LTBP1: variants seen among roughly 807,000 people sequenced by gnomAD.
LTBP1 encodes the protein latent-transforming growth factor beta-binding protein 1.
A neutral mutation model predicts 207.6 loss-of-function variants in LTBP1; 129 were observed. The ratio of observed to expected loss-of-function variants is 0.62; its 90% CI spans 0.54 to 0.72. The LOEUF is 0.72. Among genes scored for constraint, LTBP1 ranks in the 30% least tolerant of loss-of-function variants. The pLI is 0.00. For missense variants in LTBP1, 2,281 were observed against 2,217.2 expected, an observed-to-expected ratio of 1.03 and a Z score of -0.58; for synonymous variants, 963 against 833.7, an observed-to-expected ratio of 1.16 and a Z score of -2.67.
At chr2:33,272,168 G>A (rs1378962225) in intron 15 of LTBP1, among the ~76,000 whole-genome samples, 3 of 152,192 alleles carry the variant, frequency 2.0e-5, no homozygotes, top group African/African-American at 7.2e-5. Context: ...TGAAGCATGT[G>A]GTTTTGGTTT....
At chr2:33,186,663 T>C (rs551553977) in intron 5 of LTBP1, among the ~76,000 whole-genome samples, 193 bp from the exon 6 acceptor site, 4 of 152,188 alleles carry the variant, frequency 2.6e-5, no homozygotes. Flanking sequence ...TGACTTAAGA[T>C]GGAAAGAAAA....
At chr2:33,341,235 T>C (rs917110543) in intron 24 of LTBP1, among the ~76,000 whole-genome samples, 24 of 152,084 alleles carry the variant, frequency 1.6e-4, no homozygotes, top group Admixed American at 9.8e-4. Flanking sequence ...CAAGCAATTT[T>C]AACATTTTTG....
intron 26 of LTBP1, among the ~76,000 whole-genome samples, chr2:33,347,779 C>T (rs981100196): frequency 2.0e-5 from 3 of 152,198 alleles, no homozygotes; most frequent in Non-Finnish European, 4.4e-5. Context: ...ATGATGAGGA[C>T]ATTTGCTGGG....
At chr2:33,383,122 G>A (rs1020548430) in intron 31 of LTBP1, among the ~76,000 whole-genome samples, 4 of 152,222 alleles carry the variant, frequency 2.6e-5, no homozygotes, top group South Asian at 2.1e-4. Context: ...TTGGGAGGCC[G>A]AGGCAGGCAG....
intron 3 of LTBP1, among the ~76,000 whole-genome samples, chr2:33,064,232 C>T (rs919315080): frequency 5.3e-5 from 8 of 152,176 alleles, no homozygotes; most frequent in Admixed American, 3.9e-4. Flanking sequence ...TATAGAAATA[C>T]ATTTAATTTA....
intron 24 of LTBP1, among the ~76,000 whole-genome samples, chr2:33,338,679 G>A (rs961558158): frequency 5.3e-5 from 8 of 152,196 alleles, no homozygotes; most frequent in African/African-American, 1.4e-4. Context: ...AGGGCCAAGA[G>A]GCATTTCTAA....
intron 2 of LTBP1, among the ~76,000 whole-genome samples, chr2:32,986,446 C>A (rs188931546): frequency 6.6e-6 from 1 of 152,130 alleles, no homozygotes; most frequent in Non-Finnish European, 1.5e-5. Context: ...AACTGGGAAT[C>A]CTAAGGTTTA....
intron 3 of LTBP1, among the ~76,000 whole-genome samples, chr2:33,093,582 C>T (rs1253892142): frequency 1.3e-5 from 2 of 151,986 alleles, no homozygotes; most frequent in Non-Finnish European, 2.9e-5. Context: ...CTCTTGATTT[C>T]ATTCTTAAGA....
chr2:33,284,522 G>A (rs1360841343), intron 19 of LTBP1, among the ~76,000 whole-genome samples: 2 of 152,088 alleles, frequency 1.3e-5, no homozygotes, highest in Admixed American at 1.3e-4. Flanking sequence ...CTGCCCACTC[G>A]ATCCCCACCT....
At position 33,087,084 on chromosome 2, in the gene LTBP1, CTTTTTTTTTTTTTT is replaced by C. The variant is rs35334788; in HGVS notation, c.864-23487_864-23474del. 4.2e-4 allele frequency among the ~76,000 whole-genome samples: 37 copies of C among 88,986 alleles called. No individual in the cohort carries two copies. In the East Asian group the frequency reaches 6.9e-3, roughly 17 times the overall value. The allele number at this position is 88,986 out of a possible 152,430, so 58.4% of individuals were successfully genotyped here. A position where few individuals can be genotyped will look rare whatever the true frequency, so the allele number is the denominator to read the frequency against. On this transcript the variant is annotated intron_variant, in intron 3 of 33. Transcript: ENST00000404816. Reference sequence around the variant, plus strand: ...AGCACCAGGCTGTCCCTCCTTTATGCTTTTTTTTTTTTTTTTTTTTTTTTGGAGAAAGGGTCTTT... The same window carrying C: ...AGCACCAGGCTGTCCCTCCTTTATGCTTTTTTTTTTGGAGAAAGGGTCTTT...
chr2:33,223,361 T>G (rs981174964), intron 9 of LTBP1, among the ~76,000 whole-genome samples: 2 of 152,228 alleles, frequency 1.3e-5, no homozygotes, highest in African/African-American at 4.8e-5. Context: ...TTTGAAAGAC[T>G]TTGTCTTAAA....
intron 5 of LTBP1, among the ~76,000 whole-genome samples, chr2:33,139,491 C>T (rs2082461601): frequency 6.6e-6 from 1 of 152,112 alleles, no homozygotes; most frequent in African/African-American, 2.4e-5. Flanking sequence ...CTAGCAGGCG[C>T]CCAGAGAAGG....
intron 31 of LTBP1, among the ~76,000 whole-genome samples, chr2:33,370,391 G>C (rs930031223): frequency 6.6e-6 from 1 of 152,060 alleles, no homozygotes; most frequent in Non-Finnish European, 1.5e-5. Context: ...AGTTACCTGG[G>C]GGAGCTTATC....
intron 3 of LTBP1, among the ~76,000 whole-genome samples, chr2:33,069,947 C>G (rs868205401): frequency 3.3e-5 from 5 of 152,188 alleles, no homozygotes; most frequent in African/African-American, 1.2e-4. Flanking sequence ...GTGAGCATAG[C>G]ATGTGGGAAA....
At chr2:33,056,435 C>T (rs2077003696) in intron 3 of LTBP1, 2 of 977,398 alleles carry the variant, frequency 2.0e-6, no homozygotes. Context: ...TGCCCAGCAG[C>T]TTGTTTAGTT....
Position 33,202,022 on chromosome 2 carries a change from AACACACACACACAC to A in LTBP1, c.1701+13197_1701+13210del, listed in dbSNP as rs10558832. Among the ~76,000 whole-genome samples, 14 of 140,672 alleles carry A rather than the reference AACACACACACACAC, an allele frequency of 1.0e-4. No individual in the cohort carries two copies. The South Asian group carries it at 3.1e-3, about 31-fold the overall frequency. 92.3% of individuals were successfully genotyped at this position (140,672 alleles called of 152,430 possible). ...CCTAAGCTCTAAAGCTTAGCACTGG[AACACACACACACAC>A]ACACACACACACACACACACACACA... is the stretch of plus-strand genomic sequence containing the variant. On this transcript the variant is annotated intron_variant, in intron 7 of 33. Transcript: ENST00000404816.
intron 19 of LTBP1, among the ~76,000 whole-genome samples, chr2:33,285,035 C>CTTTTTTTT (rs934497674): frequency 5.8e-5 from 7 of 120,126 alleles, no homozygotes; most frequent in African/African-American, 1.9e-4. Flanking sequence ...GTATCACATT[C>CTTTTTTTT]TTTTTTTTTT....
At chr2:33,339,935 G>A (rs1007908939) in intron 24 of LTBP1, among the ~76,000 whole-genome samples, 28 of 152,056 alleles carry the variant, frequency 1.8e-4, no homozygotes, top group Admixed American at 3.3e-4. Context: ...ATGAGCCACC[G>A]CGCCGGGCTT....
At chr2:33,086,104 T>C (rs954815544) in intron 3 of LTBP1, among the ~76,000 whole-genome samples, 21 of 152,252 alleles carry the variant, frequency 1.4e-4, no homozygotes, top group African/African-American at 3.9e-4. Context: ...CTCTAAGTGC[T>C]GTATGTGTAT....
Sources: gnomAD v4.1 joint callset for allele counts (sites outside exome capture counted in the v4.1 genomes callset) on GRCh38, gnomAD v4.1.1 for gene constraint, MANE v1.5 for transcripts, NCBI Gene and HGNC (gene_info 2026-07-23, HGNC 2026-07-21) for gene names.